Variants in EPM2A observed in about 807,000 individuals in gnomAD.
The protein encoded by EPM2A is EPM2A glucan phosphatase, laforin.
A neutral mutation model predicts 26.5 loss-of-function variants in EPM2A; 21 were observed. The observed-to-expected ratio is 0.79, with a 90% CI of 0.56 to 1.14. EPM2A has a LOEUF of 1.14. Among genes scored for constraint, EPM2A ranks in the 50% most tolerant of loss-of-function variants. The probability of loss-of-function intolerance (pLI) is 0.00; values close to 1 mark genes in which losing one functional copy is unlikely to be tolerated. For missense variants in EPM2A, 458 were observed against 440.8 expected (o/e 1.04, Z -0.35); for synonymous variants, 217 against 177.6 (o/e 1.22, Z -1.76).
chr6:145,414,807 T>A (rs916830674), intron 4 of EPM2A, among the ~76,000 whole-genome samples: 1 of 152,230 alleles, frequency 6.6e-6, no homozygotes, highest in African/African-American at 2.4e-5. Context: ...CTGCCTTTGA[T>A]AATATGCTAT....
At chr6:145,730,741 T>C (rs1263907412) in intron 1 of EPM2A, among the ~76,000 whole-genome samples, 1 of 152,176 alleles carries the variant, frequency 6.6e-6, no homozygotes, top group Non-Finnish European at 1.5e-5. Context: ...CAATCCAGCA[T>C]AGTTAATGTG....
intron 2 of EPM2A, among the ~76,000 whole-genome samples, chr6:145,526,298 C>T (rs1780272391): frequency 6.6e-6 from 1 of 151,918 alleles, no homozygotes; most frequent in African/African-American, 2.4e-5. Flanking sequence ...GATTATGGCT[C>T]CATACAGTAA....
intron 2 of EPM2A, among the ~76,000 whole-genome samples, chr6:145,505,524 ATG>A (rs1360318386): frequency 2.9e-5 from 4 of 136,276 alleles, no homozygotes; most frequent in African/African-American, 1.1e-4. Flanking sequence ...TAAAATTAAG[ATG>A]TTAACAATAT....
At position 145,690,282 on chromosome 6, in the gene EPM2A, G is replaced by A. The variant is rs182426120; in HGVS notation, c.302-3986C>T. On this transcript the variant is annotated intron_variant, in intron 1 of 3. Transcript: ENST00000367519. Reference sequence around the variant, plus strand: ...TCCCAGCACTTTGGGAGGCCGAGGCGGGTGGATCATGAGGTCAGGAGATCG... The same window carrying A: ...TCCCAGCACTTTGGGAGGCCGAGGCAGGTGGATCATGAGGTCAGGAGATCG... 4.4e-3 allele frequency among the ~76,000 whole-genome samples: 666 copies of A among 151,974 alleles called. 5 individuals carry two copies. Among genetic ancestry groups the A allele is most frequent in the African/African-American group, 0.014 (573 of 41,490 alleles).
At chr6:145,469,735 C>T (rs1318871200) in intron 4 of EPM2A, among the ~76,000 whole-genome samples, 1 of 152,088 alleles carries the variant, frequency 6.6e-6, no homozygotes, top group Non-Finnish European at 1.5e-5. Context: ...TTTACTGCAG[C>T]ACTATTCACA....
chr6:145,621,241 GT>G (rs1423987119), downstream of EPM2A, among the ~76,000 whole-genome samples: 6 of 152,172 alleles, frequency 3.9e-5, no homozygotes, highest in African/African-American at 1.4e-4. Context: ...AGGTCCTCAA[GT>G]TTTAACGCTG....
At chr6:145,688,355 G>C (rs890623160) in intron 1 of EPM2A, among the ~76,000 whole-genome samples, 1 of 152,188 alleles carries the variant, frequency 6.6e-6, no homozygotes, top group African/African-American at 2.4e-5. Flanking sequence ...ACAGGACTTG[G>C]TGATTAATTG....
At chr6:145,506,586 G>A (rs1021576701) in intron 2 of EPM2A, among the ~76,000 whole-genome samples, 2 of 151,874 alleles carry the variant, frequency 1.3e-5, no homozygotes, top group Admixed American at 1.3e-4. Context: ...AAGTACTTAT[G>A]TTGAGAAACT....
chr6:145,464,207 T>G (rs1257414249), intron 4 of EPM2A, among the ~76,000 whole-genome samples: 1 of 152,070 alleles, frequency 6.6e-6, no homozygotes, highest in Non-Finnish European at 1.5e-5. Context: ...TATAAGGCAG[T>G]TTTCCCTGCT....
intron 2 of EPM2A, among the ~76,000 whole-genome samples, chr6:145,661,895 T>C (rs577151653): frequency 1.3e-5 from 2 of 152,290 alleles, no homozygotes; most frequent in East Asian, 3.9e-4. Flanking sequence ...ACTGCATCTC[T>C]GGGCTTTGCT....
At chr6:145,395,727 T>A (rs1034395741) in intron 4 of EPM2A, among the ~76,000 whole-genome samples, 2 of 152,164 alleles carry the variant, frequency 1.3e-5, no homozygotes, top group African/African-American at 4.8e-5. Flanking sequence ...TCCATGACTA[T>A]ACTGCTTTTA....
chr6:145,548,035 G>A lies in EPM2A; in HGVS notation c.341-45460C>T, dbSNP rs151229943. On this transcript the variant is annotated intron_variant, in intron 2 of 3. Coordinates refer to the EPM2A transcript ENST00000450221. ...CCAAATACTCAATTGTGTCCCCTCA[G>A]GCCTTTCCTGCTTCGGCTCCAGATG... Among the ~76,000 whole-genome samples the A allele has an allele frequency of 2.0e-5, 3 of 152,104 alleles. No homozygotes were observed. In the East Asian group the frequency reaches 5.8e-4, roughly 30 times the overall value.
At chr6:145,468,812 C>T (rs1779433904) in intron 4 of EPM2A, among the ~76,000 whole-genome samples, 1 of 152,042 alleles carries the variant, frequency 6.6e-6, no homozygotes, top group African/African-American at 2.4e-5. Context: ...AAAAAAGCTT[C>T]TGCACTGAAA....
At chr6:145,601,913 C>T (rs778573659) in intron 2 of EPM2A, among the ~76,000 whole-genome samples, 12 of 151,936 alleles carry the variant, frequency 7.9e-5, no homozygotes, top group Non-Finnish European at 1.6e-4. Flanking sequence ...AAGTAATGCA[C>T]AAAATATATT....
chr6:145,484,991 ATATATATATATATAT>A (rs1237634398), intron 4 of EPM2A, among the ~76,000 whole-genome samples: 1 of 35,650 alleles, frequency 2.8e-5, no homozygotes, highest in Non-Finnish European at 5.5e-5. Context: ...TGACATTAAA[ATATATATATATATAT>A]TATATATATA....
At position 145,419,976 on chromosome 6, in the gene EPM2A, A is replaced by T. The variant is rs533088727; in HGVS notation, c.556-35879T>A. Among the ~76,000 whole-genome samples, 19 of 152,282 alleles carry T rather than the reference A, an allele frequency of 1.2e-4. No homozygotes were observed. In the South Asian group the frequency reaches 3.5e-3, roughly 28 times the overall value. ...TATATTTTATTAAGGGCTGTCATTT[A>T]GTTTTTTGCATTGCTGGCTTCTTTT... On this transcript the variant is annotated intron_variant, in intron 4 of 4. Transcript: ENST00000638717.
chr6:145,554,039 G>A (rs1426394969), intron 2 of EPM2A, among the ~76,000 whole-genome samples: 1 of 151,578 alleles, frequency 6.6e-6, no homozygotes, highest in African/African-American at 2.4e-5. Flanking sequence ...CTTTACAGTT[G>A]TCAAAGCACC....
intron 2 of EPM2A, among the ~76,000 whole-genome samples, chr6:145,665,959 C>T (rs963780206): frequency 6.0e-4 from 90 of 149,762 alleles, no homozygotes; most frequent in African/African-American, 2.1e-3. Flanking sequence ...TGACAAAATT[C>T]AACAACCCTT....
intron 2 of EPM2A, among the ~76,000 whole-genome samples, chr6:145,512,900 T>C (rs1780075718): frequency 6.6e-6 from 1 of 151,958 alleles, no homozygotes; most frequent in Non-Finnish European, 1.5e-5. Flanking sequence ...TCTCTCACCA[T>C]ATACAAAAAT....
Sources: allele counts gnomAD v4.1 joint callset (sites outside exome capture counted in the v4.1 genomes callset), GRCh38; gene constraint gnomAD v4.1.1; transcripts MANE v1.5; gene names NCBI Gene and HGNC (gene_info 2026-07-23, HGNC 2026-07-21).